TGM6: variants seen among roughly 807,000 people sequenced by gnomAD.
The protein encoded by TGM6 is protein-glutamine gamma-glutamyltransferase 6.
TGM6 carries 74 observed loss-of-function variants against 77.5 expected under a neutral mutation model. The ratio of observed to expected loss-of-function variants is 0.96; its 90% CI spans 0.79 to 1.16. The LOEUF is 1.16. Among genes scored for constraint, TGM6 ranks in the 50% most tolerant of loss-of-function variants. The probability of loss-of-function intolerance (pLI) is 0.00; values close to 1 mark genes in which losing one functional copy is unlikely to be tolerated. For synonymous variants in TGM6, 383 were observed against 378.9 expected, an observed-to-expected ratio of 1.01 and a Z score of -0.12; for missense variants, 968 against 940.2, an observed-to-expected ratio of 1.03 and a Z score of -0.39.
intron 1 of TGM6, among the ~76,000 whole-genome samples, chr20:2,388,243 G>A (rs1237676499): frequency 2.6e-5 from 4 of 152,170 alleles, no homozygotes; most frequent in Non-Finnish European, 4.4e-5. Context: ...TTAACTAAAA[G>A]ATTTTACAAA....
In TGM6 at chr20:2,417,436, C is replaced by T; in HGVS notation, c.1541C>T (p.Ala514Val). The change falls in exon 10 of 13, where the codon GCC becomes GTC. Residue 514 changes from alanine to valine, a missense_variant. Coordinates refer to ENST00000202625, the MANE Select transcript of TGM6 (RefSeq NM_198994.3). ...PPMLGHDLRL[A>V]LCLANLTSRA... is the part of the protein sequence containing the mutation. ...ATGCTGGGCCACGACCTGAGACTGG[C>T]CCTGTGCTTGGCCAACCTCACCTCC... 1 of 1,612,578 alleles carries T rather than the reference C, an allele frequency of 6.2e-7. No homozygotes were observed.
intron 7 of TGM6, among the ~76,000 whole-genome samples, chr20:2,400,901 C>T (rs1259455709): frequency 4.6e-5 from 7 of 152,076 alleles, no homozygotes; most frequent in Non-Finnish European, 8.8e-5. Context: ...AGGCCAGGCA[C>T]GGTGGCTCAC....
At chr20:2,406,855 A>C (rs6036389) in intron 9 of TGM6, among the ~76,000 whole-genome samples, 36,318 of 133,312 alleles carry the variant, frequency 0.27, 7,535 homozygotes, top group African/African-American at 0.53. Context: ...AAAAAAAAAA[A>C]AAAAAAAAAA....
chr20:2,414,461 T>C (rs960082439), intron 9 of TGM6, among the ~76,000 whole-genome samples: 2 of 152,176 alleles, frequency 1.3e-5, no homozygotes, highest in Admixed American at 6.5e-5. Context: ...ACATTGCTGG[T>C]GGAAATTTAC....
In TGM6 at chr20:2,417,505, T is replaced by C. The variant is rs982827606; in HGVS notation, c.1610T>C (p.Leu537Pro). ...VRVNLSGATI[L>P]YTRKPVAEIL... ...GTCAACCTGAGCGGTGCCACCATCC[T>C]CTATACCCGCAAGCCAGTGGCAGAG... The change falls in exon 10 of 13, where the codon CTC (leucine) becomes CCC (proline). Residue 537 changes from leucine (L) to proline (P), a missense_variant. Physicochemically the swap from Leu to Pro is moderately conservative, Grantham distance 98. Transcript: ENST00000202625. 6 of 1,607,854 alleles carry C rather than the reference T, an allele frequency of 3.7e-6. No individual in the cohort carries two copies. The African/African-American group carries it at 6.7e-5, about 18-fold the overall frequency.
intron 5 of TGM6, among the ~76,000 whole-genome samples, chr20:2,398,306 A>C (rs1013614577): frequency 5.9e-4 from 90 of 152,112 alleles, no homozygotes; most frequent in African/African-American, 2.1e-3. Flanking sequence ...TAATGACTGC[A>C]TATGTCTGGG....
chr20:2,396,509 A>G lies in TGM6; in HGVS notation c.428A>G (p.Asp143Gly). 1 of 1,614,132 alleles carries G rather than the reference A, an allele frequency of 6.2e-7. No individual in the cohort carries two copies. The highest frequency in any genetic ancestry group is 2.2e-5 in the East Asian group (1 of 44,874). ...VLLFNPWCAEDDVFLASEEER... is the reference protein window; with the variant it reads ...VLLFNPWCAEGDVFLASEEER... ...GGGCCTGATGACTGCTTTTCAGAGGACGATGTGTTTCTGGCCTCAGAGGAG... is the reference window on the plus strand; with the variant it reads ...GGGCCTGATGACTGCTTTTCAGAGGGCGATGTGTTTCTGGCCTCAGAGGAG... Residue 143 changes from aspartate to glycine, a missense_variant, in exon 4 of 13, where the codon GAC becomes GGC. Transcript: ENST00000202625.
chr20:2,394,280 T>A (rs1482298472), intron 1 of TGM6, among the ~76,000 whole-genome samples, 172 bp from the exon 2 acceptor site: 2 of 151,876 alleles, frequency 1.3e-5, no homozygotes, highest in African/African-American at 2.4e-5. Flanking sequence ...GGTGATAGAG[T>A]GAGACCCTGT....
chr20:2,404,237 T>A (rs1470918194), intron 9 of TGM6, among the ~76,000 whole-genome samples: 1 of 152,214 alleles, frequency 6.6e-6, no homozygotes, highest in East Asian at 1.9e-4. Context: ...ATCTCCTGTT[T>A]AGCATCTGCC....
At chr20:2,388,544 G>A (rs989233665) in intron 1 of TGM6, among the ~76,000 whole-genome samples, 19 of 151,978 alleles carry the variant, frequency 1.3e-4, no homozygotes, top group African/African-American at 4.6e-4. Flanking sequence ...AGCTGAGATG[G>A]GAGGATTGCT....
At position 2,431,112 on chromosome 20, in the gene TGM6, G is replaced by A. The variant is rs955048569; in HGVS notation, c.1967+85G>A. The A allele has an allele frequency of 4.4e-6, 7 of 1,573,524 alleles. No individual in the cohort carries two copies. In the African/African-American group the frequency reaches 8.1e-5, roughly 18 times the overall value. ...GAGAGAAGTTGCCAGGGATGGGGGT[G>A]TGAGAGAGATTCTGGACACCCCAGG... On this transcript the variant is annotated intron_variant, in intron 12 of 12. Transcript: ENST00000202625.
At chr20:2,418,829 C>T (rs1445337535) in intron 10 of TGM6, among the ~76,000 whole-genome samples, 1 of 147,550 alleles carries the variant, frequency 6.8e-6, no homozygotes. Context: ...GTAATCCTAG[C>T]ATTTTGGGAG....
In TGM6 at chr20:2,403,504, C is replaced by G. The variant is rs368495022; in HGVS notation, c.1093+4C>G. 1.2e-5 allele frequency: 19 copies of G among 1,614,102 alleles called. No individual in the cohort carries two copies. Among genetic ancestry groups the G allele is most frequent in the Non-Finnish European group, 1.6e-5 (19 of 1,180,026 alleles). ...ACCCCCCAGGAGGAGAGTGAAGGTA[C>G]GCTCAATTGGGTGGGGTAAGTTCCA... is the stretch of plus-strand genomic sequence containing the variant. On this transcript the variant is annotated splice_donor_region_variant and intron_variant, in intron 8 of 12. Transcript: ENST00000202625.
chr20:2,393,713 T>C (rs1324061025), intron 1 of TGM6, among the ~76,000 whole-genome samples: 1 of 151,812 alleles, frequency 6.6e-6, no homozygotes, highest in Non-Finnish European at 1.5e-5. Context: ...ATAGTAGAGA[T>C]GAGGTTTCAC....
intron 1 of TGM6, among the ~76,000 whole-genome samples, chr20:2,393,564 C>T (rs1032428132): frequency 7.2e-5 from 11 of 152,144 alleles, no homozygotes; most frequent in Non-Finnish European, 1.3e-4. Flanking sequence ...GGGAGAGTCT[C>T]GCTCTGTGGC....
chr20:2,429,740 G>C (rs945354064), intron 10 of TGM6, among the ~76,000 whole-genome samples: 1 of 151,696 alleles, frequency 6.6e-6, no homozygotes, highest in Non-Finnish European at 1.5e-5. Context: ...CTGCACTCCA[G>C]CCTCGCGACA....
chr20:2,399,637 A>C lies in TGM6; in HGVS notation c.749A>C (p.His250Pro), dbSNP rs760194140. 4.3e-6 allele frequency: 7 copies of C among 1,613,584 alleles called. No homozygotes were observed. In the South Asian group the frequency reaches 6.6e-5, roughly 15 times the overall value. The change falls in exon 6 of 13, where the codon CAC (histidine) becomes CCC (proline). Residue 250 changes from histidine to proline, a missense_variant. His to Pro is a moderately conservative substitution (Grantham distance 77, BLOSUM62 -2). Transcript: ENST00000202625. ...TACGGCGGCGGCACCAGCCCGCTGC[A>C]CTGGCGCGGCAGCGTGGCCATTCTG... ...GKYGGGTSPL[H>P]WRGSVAILQK...
chr20:2,425,752 T>G (rs2084883860), intron 10 of TGM6, among the ~76,000 whole-genome samples: 1 of 152,208 alleles, frequency 6.6e-6, no homozygotes, highest in Admixed American at 6.5e-5. Context: ...TAATACATAT[T>G]TTGTGGGTAC....
chr20:2,393,904 A>T (rs76925904), intron 1 of TGM6, among the ~76,000 whole-genome samples: 1 of 152,304 alleles, frequency 6.6e-6, no homozygotes, highest in East Asian at 1.9e-4. Flanking sequence ...TTGGGACCAG[A>T]GGCTCACAGG....
Sources: allele counts gnomAD v4.1 joint callset (sites outside exome capture counted in the v4.1 genomes callset), GRCh38; gene constraint gnomAD v4.1.1; transcripts MANE v1.5; gene names NCBI Gene and HGNC (gene_info 2026-07-23, HGNC 2026-07-21).